Variants in PLEKHH2 observed in about 807,000 individuals in gnomAD.
PLEKHH2 encodes pleckstrin homology domain-containing family H member 2.
PLEKHH2 carries 129 observed loss-of-function variants against 187.9 expected under a neutral mutation model. The observed-to-expected ratio is 0.69, with a 90% CI of 0.59 to 0.79. The LOEUF (loss-of-function observed/expected upper bound fraction) is 0.79. Ranked by LOEUF, PLEKHH2 falls within the 30% of genes least tolerant of loss-of-function variation. The pLI is 0.00. For missense variants in PLEKHH2, 2,076 were observed against 1,751.2 expected, an observed-to-expected ratio of 1.19 and a Z score of -3.31; for synonymous variants, 686 against 605.6, an observed-to-expected ratio of 1.13 and a Z score of -1.95.
At chr2:43,686,477 G>C (rs1477163961) in intron 3 of PLEKHH2, among the ~76,000 whole-genome samples, 1 of 152,180 alleles carries the variant, frequency 6.6e-6, no homozygotes, top group Non-Finnish European at 1.5e-5. Flanking sequence ...GATTTCAGGC[G>C]TGAGCCACTG....
chr2:43,706,229 A>C, intron 9 of PLEKHH2, 93 bp from the exon 10 acceptor site: 1 of 875,322 alleles, frequency 1.1e-6, no homozygotes, highest in Non-Finnish European at 1.9e-6. Context: ...TTGCTTTTTA[A>C]ATGGAGATTA....
chr2:43,703,570 A>G (rs10514787), intron 8 of PLEKHH2, among the ~76,000 whole-genome samples: 39,087 of 152,076 alleles, frequency 0.26, 5,589 homozygotes, highest in Non-Finnish European at 0.32. Context: ...TGTGTAATCA[A>G]TGATTGAGAA....
intron 24 of PLEKHH2, among the ~76,000 whole-genome samples, chr2:43,750,253 C>G (rs1199651897): frequency 2.6e-5 from 4 of 152,174 alleles, no homozygotes; most frequent in Admixed American, 2.0e-4. Flanking sequence ...AGGCGGATCA[C>G]CTGAGGTGAG....
At chr2:43,704,466 C>G (rs191988052) in intron 9 of PLEKHH2, among the ~76,000 whole-genome samples, 2 of 151,750 alleles carry the variant, frequency 1.3e-5, no homozygotes, top group African/African-American at 4.8e-5. Flanking sequence ...TCAAGACCAT[C>G]CTGGCTAACA....
chr2:43,688,644 A>T (rs1668643084), intron 3 of PLEKHH2, among the ~76,000 whole-genome samples: 1 of 152,230 alleles, frequency 6.6e-6, no homozygotes, highest in Admixed American at 6.5e-5. Context: ...GATTTGCTAG[A>T]ATAACTCATG....
chr2:43,751,449 C>T (rs1672006424), intron 24 of PLEKHH2, among the ~76,000 whole-genome samples: 1 of 152,192 alleles, frequency 6.6e-6, no homozygotes, highest in Admixed American at 6.5e-5. Flanking sequence ...GAAATAAATG[C>T]TCTGAAGAAT....
Position 43,758,924 on chromosome 2 carries a change from C to T in PLEKHH2, c.3966C>T (p.Thr1322=), listed in dbSNP as rs767823528. ...GGCAGCTTTGCCAGCGACTTTCAAC[C>T]AGATGGATGGCCCTCCGGGGACACA... ...QLRQLCQRLS[T]RWMALRGHSA... The change falls in exon 27 of 30, where the codon ACC becomes ACT. Residue 1322 remains threonine (T), a synonymous_variant. Coordinates refer to ENST00000282406, the MANE Select transcript of PLEKHH2 (RefSeq NM_172069.4). 2.5e-6 allele frequency: 4 copies of T among 1,592,518 alleles called. No individual in the cohort carries two copies. Among genetic ancestry groups the T allele is most frequent in the South Asian group, 2.3e-5 (2 of 87,544 alleles).
intron 17 of PLEKHH2, among the ~76,000 whole-genome samples, chr2:43,728,156 C>G: frequency 6.6e-6 from 1 of 152,052 alleles, no homozygotes; most frequent in East Asian, 1.9e-4. Context: ...CTAGTAATGA[C>G]TCATAATTCT....
At chr2:43,758,735 A>G (rs1672311999) in intron 26 of PLEKHH2, among the ~76,000 whole-genome samples, 165 bp from the exon 27 acceptor site, 1 of 152,222 alleles carries the variant, frequency 6.6e-6, no homozygotes, top group South Asian at 2.1e-4. Context: ...AGGACAAGTG[A>G]TGGACAGTGG....
Position 43,700,361 on chromosome 2 carries a change from T to C in PLEKHH2, c.1403T>C (p.Met468Thr). 1 of 1,614,168 alleles carries C rather than the reference T, an allele frequency of 6.2e-7. No individual in the cohort carries two copies. Among genetic ancestry groups the C allele is most frequent in the Non-Finnish European group, 8.5e-7 (1 of 1,180,028 alleles). The change falls in exon 8 of 30, where the codon ATG becomes ACG. Residue 468 changes from methionine to threonine, a missense_variant. Transcript: ENST00000282406. Reference protein sequence around the residue: ...LSQPQLSSDRMFGTNRNAISM... With the variant: ...LSQPQLSSDRTFGTNRNAISM... ...CAGCCACAGTTAAGCTCTGACAGGA[T>C]GTTTGGTACAAATAGAAACGCTATA...
chr2:43,688,020 C>G (rs928153082), intron 3 of PLEKHH2, among the ~76,000 whole-genome samples: 2 of 152,150 alleles, frequency 1.3e-5, no homozygotes, highest in Non-Finnish European at 2.9e-5. Context: ...AGGCTGGCCT[C>G]AAACTCCTGG....
At chr2:43,754,517 C>G (rs1164742799) in intron 25 of PLEKHH2, among the ~76,000 whole-genome samples, 2 of 152,214 alleles carry the variant, frequency 1.3e-5, no homozygotes, top group African/African-American at 2.4e-5. Flanking sequence ...ATGGCCTTGC[C>G]TACTACCTAC....
chr2:43,728,808 C>T (rs750978766), intron 17 of PLEKHH2, among the ~76,000 whole-genome samples: 4 of 151,966 alleles, frequency 2.6e-5, no homozygotes, highest in African/African-American at 9.7e-5. Flanking sequence ...ATGATCCACC[C>T]GGCTTGGCCT....
intron 16 of PLEKHH2, among the ~76,000 whole-genome samples, chr2:43,722,022 C>T (rs1670503662): frequency 6.6e-6 from 1 of 151,674 alleles, no homozygotes; most frequent in Non-Finnish European, 1.5e-5. Flanking sequence ...ACAGAAGCCA[C>T]TGTACGTGTT....
chr2:43,718,314 C>T (rs914967232), intron 15 of PLEKHH2, among the ~76,000 whole-genome samples: 4 of 151,970 alleles, frequency 2.6e-5, no homozygotes, highest in African/African-American at 9.7e-5. Context: ...CCGAGGCGGG[C>T]AGATCACAAG....
intron 26 of PLEKHH2, 88 bp downstream of exon 26, chr2:43,757,352 C>A: frequency 3.9e-6 from 4 of 1,035,654 alleles, no homozygotes; most frequent in Admixed American, 3.1e-5. Flanking sequence ...AGGTGAAAAA[C>A]ATTTGGACAG....
At chr2:43,742,644 A>T in intron 21 of PLEKHH2, 97 bp from the exon 22 acceptor site, 1 of 913,042 alleles carries the variant, frequency 1.1e-6, no homozygotes, top group Non-Finnish European at 1.5e-6. Flanking sequence ...AGCCTAATAC[A>T]TTGTGATAAT....
At chr2:43,693,383 C>G (rs920529269) in intron 4 of PLEKHH2, among the ~76,000 whole-genome samples, 1 of 152,124 alleles carries the variant, frequency 6.6e-6, no homozygotes, top group African/African-American at 2.4e-5. Context: ...GATGCCAATC[C>G]TTCTGCTTAG....
chr2:43,645,355 A>G (rs1666134249), intron 2 of PLEKHH2, among the ~76,000 whole-genome samples: 1 of 152,102 alleles, frequency 6.6e-6, no homozygotes, highest in African/African-American at 2.4e-5. Flanking sequence ...AGATTTGTTC[A>G]TTTATTCATT....
Sources: gnomAD v4.1 joint callset for allele counts (sites outside exome capture counted in the v4.1 genomes callset) on GRCh38, gnomAD v4.1.1 for gene constraint, MANE v1.5 for transcripts, NCBI Gene and HGNC (gene_info 2026-07-23, HGNC 2026-07-21) for gene names.